STK4: variants seen among roughly 807,000 people sequenced by gnomAD.
The protein encoded by STK4 is serine/threonine kinase 4.
STK4 carries 30 observed loss-of-function variants against 64.9 expected under a neutral mutation model. The observed-to-expected ratio is 0.46, with a 90% CI of 0.35 to 0.63. The LOEUF (loss-of-function observed/expected upper bound fraction) is 0.63, where lower values mean the gene tolerates loss of function less well. Among genes scored for constraint, STK4 ranks in the 20% least tolerant of loss-of-function variants. The pLI is 0.01. For synonymous variants in STK4, 177 were observed against 199.0 expected, an observed-to-expected ratio of 0.89 and a Z score of 0.93; for missense variants, 466 against 598.5, an observed-to-expected ratio of 0.78 and a Z score of 2.31.
In STK4 at chr20:44,995,192, CT is replaced by C; in HGVS notation, c.629del (p.Leu210ArgfsTer3). The C allele has an allele frequency of 6.2e-7, 1 of 1,613,682 alleles. No individual in the cohort carries two copies. Among genetic ancestry groups the C allele is most frequent in the Non-Finnish European group, 8.5e-7 (1 of 1,179,818 alleles). ...GYNCVADIWS[L>X]GITAIEMAEG... ...CAACTGTGTAGCAGACATCTGGTCC[CT>C]GGGAATAACTGCCATAGAAATGGCT... On this transcript the variant is annotated frameshift_variant, in exon 6 of 11. Coordinates refer to ENST00000372806, the MANE Select transcript of STK4 (RefSeq NM_006282.5). LOFTEE classifies it high-confidence loss of function.
intron 6 of STK4, among the ~76,000 whole-genome samples, chr20:44,995,489 C>T (rs2067711974): frequency 6.6e-6 from 1 of 151,260 alleles, no homozygotes; most frequent in African/African-American, 2.4e-5. Flanking sequence ...GCCTGTAATC[C>T]CAGCTGCTTG....
At chr20:45,055,876 G>A (rs1452461785) in intron 10 of STK4, among the ~76,000 whole-genome samples, 3 of 152,022 alleles carry the variant, frequency 2.0e-5, no homozygotes, top group African/African-American at 7.3e-5. Context: ...GGGACTAGAG[G>A]TGCACACCAC....
In STK4 at chr20:45,056,201, GT is replaced by G. The variant is rs142613674; in HGVS notation, c.1306-18813del. ...TCCTTTTAAGTGTACAGTTGGATGAGTTTTAATAGAAATATACAGTTGTATA... is the reference window on the plus strand; with the variant it reads ...TCCTTTTAAGTGTACAGTTGGATGAGTTTAATAGAAATATACAGTTGTATA... On this transcript the variant is annotated intron_variant, in intron 10 of 10. Transcript: ENST00000372806. Among the ~76,000 whole-genome samples, 544 of 152,280 alleles carry G rather than the reference GT, an allele frequency of 3.6e-3. 3 individuals carry two copies. Among genetic ancestry groups the G allele is most frequent in the African/African-American group, 0.013 (525 of 41,552 alleles).
chr20:45,068,350 G>T (rs1979764797), intron 10 of STK4, among the ~76,000 whole-genome samples: 2 of 152,164 alleles, frequency 1.3e-5, no homozygotes, highest in African/African-American at 4.8e-5. Context: ...AAAATTGATT[G>T]ATTTGATTTG....
intron 4 of STK4, among the ~76,000 whole-genome samples, chr20:44,982,605 T>C (rs2145655155): frequency 6.6e-6 from 1 of 152,338 alleles, no homozygotes; most frequent in African/African-American, 2.4e-5. Flanking sequence ...ACAAATTAAA[T>C]TCCTGTATTT....
intron 10 of STK4, among the ~76,000 whole-genome samples, chr20:45,068,897 A>G (rs1211925376): frequency 6.6e-6 from 1 of 152,208 alleles, no homozygotes; most frequent in Non-Finnish European, 1.5e-5. Context: ...GTAACACAGC[A>G]TTTGTATCCT....
rs1021632256 is a variant in STK4, at chr20:45,076,320, C to T, written c.*1144C>T. The stretch of plus-strand genomic sequence containing the variant: ...GATCTGATCCTCTTGTACGGATGAT[C>T]GCAAAACTGAGGTGTAGAGAGGGGA... On this transcript the variant is annotated 3_prime_UTR_variant, in exon 11 of 11. Coordinates refer to ENST00000372806, the MANE Select transcript of STK4 (RefSeq NM_006282.5). The surrounding 1 kb of genome is among the most constrained non-coding windows in gnomAD (Gnocchi z 4.0). 6.6e-6 allele frequency: 1 copy of T among 152,138 alleles called. No individual in the cohort carries two copies. Among genetic ancestry groups the T allele is most frequent in the African/African-American group, 2.4e-5 (1 of 41,402 alleles). The allele number at this position is 152,138 out of a possible 1,614,324, so 9.4% of individuals were successfully genotyped here. A position where few individuals can be genotyped will look rare whatever the true frequency, so the allele number is the denominator to read the frequency against.
At chr20:45,054,274 C>T (rs1600545561) in intron 10 of STK4, among the ~76,000 whole-genome samples, 1 of 152,228 alleles carries the variant, frequency 6.6e-6, no homozygotes, top group African/African-American at 2.4e-5. Context: ...ATTAAAAGTG[C>T]AGACTCCTGG....
intron 9 of STK4, among the ~76,000 whole-genome samples, chr20:45,007,340 C>T (rs377728676): frequency 3.3e-5 from 5 of 152,246 alleles, no homozygotes; most frequent in African/African-American, 1.2e-4. Context: ...ATCACAAGGT[C>T]AGAAGATCGA....
intron 4 of STK4, among the ~76,000 whole-genome samples, chr20:44,983,534 A>T (rs1031778114): frequency 6.6e-6 from 1 of 152,078 alleles, no homozygotes. Flanking sequence ...AAGTGGGAGG[A>T]TTGCTTGAGC....
chr20:45,071,467 G>A (rs755780544), intron 10 of STK4, among the ~76,000 whole-genome samples: 2 of 152,196 alleles, frequency 1.3e-5, no homozygotes, highest in Non-Finnish European at 2.9e-5. Flanking sequence ...AGCAGTGCCT[G>A]GCTGGCTGTG....
intron 9 of STK4, among the ~76,000 whole-genome samples, chr20:45,011,731 T>A (rs1014905): frequency 0.4 from 32,543 of 80,806 alleles, 6,292 homozygotes; most frequent in Admixed American, 0.53. Context: ...ATATATATAT[T>A]TTTTTTTTTT....
intron 9 of STK4, among the ~76,000 whole-genome samples, chr20:45,019,450 A>T (rs911010887): frequency 1.3e-5 from 2 of 152,204 alleles, no homozygotes; most frequent in Non-Finnish European, 2.9e-5. Context: ...CAGCTGATAG[A>T]CATTTGGGTT....
chr20:45,046,265 C>CAA (rs56077065), intron 10 of STK4, among the ~76,000 whole-genome samples: 13 of 119,736 alleles, frequency 1.1e-4, no homozygotes, highest in African/African-American at 2.8e-4. Context: ...CCTGTATCTA[C>CAA]AAAAAAAAAA....
At chr20:45,027,258 G>A (rs972242199) in intron 10 of STK4, among the ~76,000 whole-genome samples, 20 of 151,826 alleles carry the variant, frequency 1.3e-4, no homozygotes, top group Admixed American at 4.6e-4. Flanking sequence ...GAGAAACCCC[G>A]TCTCTACTAA....
At chr20:45,067,080 C>G (rs538334586) in intron 10 of STK4, among the ~76,000 whole-genome samples, 1 of 152,144 alleles carries the variant, frequency 6.6e-6, no homozygotes, top group Non-Finnish European at 1.5e-5. Context: ...TAAGTATCCT[C>G]GGTACTAAAT....
At chr20:44,993,604 C>G (rs1470351933) in intron 5 of STK4, among the ~76,000 whole-genome samples, 1 of 152,242 alleles carries the variant, frequency 6.6e-6, no homozygotes, top group Non-Finnish European at 1.5e-5. Flanking sequence ...TTCTGACTGG[C>G]ATAGCCTAAA....
chr20:45,024,146 C>T (rs1456061725), intron 9 of STK4, among the ~76,000 whole-genome samples: 2 of 151,868 alleles, frequency 1.3e-5, no homozygotes, highest in Non-Finnish European at 2.9e-5. Flanking sequence ...GTGATCTGCC[C>T]ACCTCAGCCT....
chr20:45,047,527 T>C (rs1222419655), intron 10 of STK4, among the ~76,000 whole-genome samples: 1 of 152,230 alleles, frequency 6.6e-6, no homozygotes, highest in Non-Finnish European at 1.5e-5. Context: ...TTGTGCACTC[T>C]TTGGAAATCT....
Sources: gnomAD v4.1 joint callset for allele counts (sites outside exome capture counted in the v4.1 genomes callset) on GRCh38, gnomAD v4.1.1 for gene constraint, Gnocchi (gnomAD v3.1) non-coding constraint, MANE v1.5 for transcripts, NCBI Gene and HGNC (gene_info 2026-07-23, HGNC 2026-07-21) for gene names.